Variants in BCAS4 observed in about 807,000 individuals in gnomAD.
The protein encoded by BCAS4 is breast carcinoma-amplified sequence 4.
A neutral mutation model predicts 15.7 loss-of-function variants in BCAS4; 9 were observed. The observed-to-expected ratio is 0.57, with a 90% CI of 0.34 to 1.00. The LOEUF (loss-of-function observed/expected upper bound fraction) is 1.00, where lower values mean the gene tolerates loss of function less well. BCAS4 is among the 50% of genes least tolerant of loss of function. The probability of loss-of-function intolerance (pLI) is 0.02; values close to 1 mark genes in which losing one functional copy is unlikely to be tolerated. For missense variants in BCAS4, 225 were observed against 239.1 expected, an observed-to-expected ratio of 0.94 and a Z score of 0.39; for synonymous variants, 101 against 99.5, an observed-to-expected ratio of 1.02 and a Z score of -0.09.
At position 50,877,151 on chromosome 20, in the gene BCAS4, C is replaced by G. The variant is rs1980000738; in HGVS notation, c.*543C>G. 1 of 152,858 alleles carries G rather than the reference C, an allele frequency of 6.5e-6. No individual in the cohort carries two copies. The highest frequency in any genetic ancestry group is 2.4e-5 in the African/African-American group (1 of 41,434). The allele number at this position is 152,858 out of a possible 1,614,324, so 9.5% of individuals were successfully genotyped here. ...CCTCGGTGCCCACAGCCTTGAGGAT[C>G]CTTCCAATAAAGGTGTCAAGAGCTC... On this transcript the variant is annotated 3_prime_UTR_variant, in exon 5 of 5. Transcript: ENST00000371608.
chr20:50,862,913 C>T (rs547045150), intron 4 of BCAS4, among the ~76,000 whole-genome samples: 3 of 152,266 alleles, frequency 2.0e-5, no homozygotes, highest in African/African-American at 7.2e-5. Context: ...AATCTCAGCT[C>T]ACTGCAACTT....
chr20:50,803,872 A>G (rs1398052966), intron 1 of BCAS4, among the ~76,000 whole-genome samples: 2 of 151,754 alleles, frequency 1.3e-5, no homozygotes, highest in Admixed American at 6.6e-5. Flanking sequence ...TTCTGATTTA[A>G]TTCATGTGGG....
intron 1 of BCAS4, among the ~76,000 whole-genome samples, chr20:50,796,950 C>T (rs1006970394): frequency 4.6e-5 from 7 of 151,988 alleles, no homozygotes; most frequent in African/African-American, 1.7e-4. Flanking sequence ...CCCACCTCAG[C>T]CTCCCGCATA....
In BCAS4 at chr20:50,863,802, A is replaced by G. The variant is rs375592805; in HGVS notation, c.400-12684A>G. Among the ~76,000 whole-genome samples, 46 of 152,248 alleles carry G rather than the reference A, an allele frequency of 3.0e-4. 1 individual carries two copies. In the South Asian group the frequency reaches 9.1e-3, roughly 30 times the overall value. Reference sequence around the variant, plus strand: ...TGCCTCCCTTGGGGAGGTGGATCTCAGTGTGATGGGGGACCCCTGAACCCA... The same window carrying G: ...TGCCTCCCTTGGGGAGGTGGATCTCGGTGTGATGGGGGACCCCTGAACCCA... On this transcript the variant is annotated intron_variant, in intron 4 of 4. Coordinates refer to ENST00000371608, the MANE Select transcript of BCAS4 (RefSeq NM_198799.4).
chr20:50,833,394 G>T (rs2088367773), intron 3 of BCAS4, among the ~76,000 whole-genome samples: 1 of 152,222 alleles, frequency 6.6e-6, no homozygotes, highest in African/African-American at 2.4e-5. Flanking sequence ...CCAGAGCCAG[G>T]CTTCTCAGCT....
intron 1 of BCAS4, among the ~76,000 whole-genome samples, chr20:50,800,571 T>G (rs186293874): frequency 1.2e-3 from 178 of 149,470 alleles, no homozygotes; most frequent in African/African-American, 4.3e-3. Flanking sequence ...TTTTTTTTTT[T>G]TTTTTTTTTG....
chr20:50,876,313 T>C (rs1979937212), intron 4 of BCAS4, among the ~76,000 whole-genome samples, 173 bp from the exon 5 acceptor site: 1 of 150,074 alleles, frequency 6.7e-6, no homozygotes, highest in South Asian at 2.1e-4. Context: ...CATGGATGCC[T>C]TGGTCCCTTT....
intron 3 of BCAS4, among the ~76,000 whole-genome samples, chr20:50,836,532 T>C (rs971039623): frequency 2.6e-5 from 4 of 152,144 alleles, no homozygotes; most frequent in African/African-American, 9.7e-5. Context: ...GAGAGAGGGA[T>C]AATTTGTCCA....
intron 2 of BCAS4, among the ~76,000 whole-genome samples, chr20:50,827,763 G>T (rs867156327): frequency 6.6e-6 from 1 of 152,184 alleles, no homozygotes; most frequent in African/African-American, 2.4e-5. Flanking sequence ...GTCTTGCACT[G>T]TCGCCCGGGC....
rs75686691 is a variant in BCAS4, at chr20:50,861,697, C to A, written c.400-14789C>A. ...CCCAGCTCCCTTTCCCATCTCCCCCCGCTCCAGCCCCTTTCCCCAGCCTGG... is the reference window on the plus strand; with the variant it reads ...CCCAGCTCCCTTTCCCATCTCCCCCAGCTCCAGCCCCTTTCCCCAGCCTGG... On this transcript the variant is annotated intron_variant, in intron 4 of 4. Transcript: ENST00000371608. 5.3e-5 allele frequency among the ~76,000 whole-genome samples: 8 copies of A among 152,182 alleles called. No individual in the cohort carries two copies. In the East Asian group the frequency reaches 1.4e-3, roughly 26 times the overall value.
chr20:50,805,155 G>A (rs76675039), intron 1 of BCAS4, among the ~76,000 whole-genome samples: 20,313 of 151,910 alleles, frequency 0.13, 1,475 homozygotes, highest in South Asian at 0.16. Flanking sequence ...ATGGCTTTTC[G>A]CATGTTCACA....
chr20:50,876,761 C>A lies in BCAS4; in HGVS notation c.*153C>A. 1.0e-6 allele frequency: 1 copy of A among 996,774 alleles called. No individual in the cohort carries two copies. The highest frequency in any genetic ancestry group is 2.7e-5 in the South Asian group (1 of 37,178). The allele number at this position is 996,774 out of a possible 1,614,324, so 61.7% of individuals were successfully genotyped here. The stretch of plus-strand genomic sequence containing the variant: ...GTCTCACTATGTTGTCCAGACTGAT[C>A]TCAAACTCCTGGGCTCAAGTGATCC... On this transcript the variant is annotated 3_prime_UTR_variant, in exon 5 of 5. Coordinates refer to ENST00000371608, the MANE Select transcript of BCAS4 (RefSeq NM_198799.4).
At chr20:50,830,617 A>G (rs763863649) in intron 3 of BCAS4, among the ~76,000 whole-genome samples, 10 of 152,206 alleles carry the variant, frequency 6.6e-5, no homozygotes, top group South Asian at 2.1e-4. Context: ...TGGGAAGCCA[A>G]TGTGGGAGGA....
intron 4 of BCAS4, among the ~76,000 whole-genome samples, chr20:50,847,615 G>T (rs1364821591): frequency 6.6e-6 from 1 of 152,180 alleles, no homozygotes; most frequent in Non-Finnish European, 1.5e-5. Context: ...ACTTACCCAG[G>T]ATCACACAGT....
At position 50,841,847 on chromosome 20, in the gene BCAS4, C is replaced by T. The variant is rs2088485705; in HGVS notation, c.346C>T (p.Pro116Ser). The change falls in exon 4 of 5, where the codon CCT becomes TCT. Residue 116 changes from proline to serine, a missense_variant. By Grantham distance (74) the Pro-to-Ser change is moderately conservative. Coordinates refer to ENST00000371608, the MANE Select transcript of BCAS4 (RefSeq NM_198799.4). Reference protein sequence around the residue: ...LQAERDHGAFPQALRRWLGSA... With the variant: ...LQAERDHGAFSQALRRWLGSA... ...GGCTGAGCGGGACCATGGGGCCTTC[C>T]CTCAGGCCCTGCGGAGGTGGCTGGG... The T allele has an allele frequency of 1.9e-6, 3 of 1,612,100 alleles. No individual in the cohort carries two copies. The highest frequency in any genetic ancestry group is 4.5e-5 in the East Asian group (2 of 44,830).
chr20:50,827,811 C>T (rs115015845), intron 2 of BCAS4, among the ~76,000 whole-genome samples: 1,566 of 152,294 alleles, frequency 0.01, 35 homozygotes, highest in African/African-American at 0.036. Context: ...ACTGCAACCT[C>T]TGTTTACCGG....
intron 1 of BCAS4, among the ~76,000 whole-genome samples, chr20:50,814,173 A>G (rs1283169952): frequency 6.7e-6 from 1 of 150,046 alleles, no homozygotes; most frequent in East Asian, 2.0e-4. Context: ...CAGTCAGCAA[A>G]CTCTCGCTTT....
chr20:50,871,454 G>T (rs1568687467), intron 4 of BCAS4, among the ~76,000 whole-genome samples: 1 of 152,230 alleles, frequency 6.6e-6, no homozygotes, highest in Non-Finnish European at 1.5e-5. Flanking sequence ...GCCCTTACCT[G>T]CTGATTCAGG....
At chr20:50,859,266 T>G (rs1008425677) in intron 4 of BCAS4, among the ~76,000 whole-genome samples, 1 of 152,184 alleles carries the variant, frequency 6.6e-6, no homozygotes, top group Non-Finnish European at 1.5e-5. Flanking sequence ...TTTTGATTCA[T>G]GTTGGTTGAA....
Sources: allele counts gnomAD v4.1 joint callset (sites outside exome capture counted in the v4.1 genomes callset), GRCh38; gene constraint gnomAD v4.1.1; transcripts MANE v1.5; gene names NCBI Gene and HGNC (gene_info 2026-07-23, HGNC 2026-07-21).